Variants in DENND2A observed in about 807,000 individuals in gnomAD.
DENND2A encodes the protein DENN domain-containing protein 2A.
In DENND2A, 53 loss-of-function variants were observed where a neutral mutation model predicts 105.3. The observed-to-expected ratio is 0.50, with a 90% confidence interval of 0.40 to 0.63. The LOEUF is 0.63. Among genes scored for constraint, DENND2A ranks in the 30% least tolerant of loss-of-function variants. The pLI is 0.00. For missense variants in DENND2A, 1,138 were observed against 1,279.6 expected (o/e 0.89, Z 1.69); for synonymous variants, 522 against 508.4 (o/e 1.03, Z -0.36).
chr7:140,556,035 T>C (rs185610955), intron 11 of DENND2A, among the ~76,000 whole-genome samples: 2 of 152,300 alleles, frequency 1.3e-5, no homozygotes, highest in African/African-American at 4.8e-5. Context: ...TTGTTTTGTT[T>C]TGAGATGGAG....
chr7:140,524,194 A>G (rs1192219244), intron 16 of DENND2A, among the ~76,000 whole-genome samples: 3 of 152,160 alleles, frequency 2.0e-5, no homozygotes, highest in African/African-American at 7.2e-5. Context: ...ATGATAAAAA[A>G]CAGCATTAAT....
chr7:140,527,609 T>C lies in DENND2A; in HGVS notation c.2328-114A>G. On this transcript the variant is annotated intron_variant, in intron 14 of 19. Transcript: ENST00000496613. This position sits in a 1 kb window ranked among gnomAD's most constrained non-coding sequence, Gnocchi z 4.9. ...ATGACTAGGAAAGGACACACGTGGA[T>C]GTGGATCCGGTGGAGCACATGATGG... 1 of 1,145,802 alleles carries C rather than the reference T, an allele frequency of 8.7e-7. No individual in the cohort carries two copies. The highest frequency in any genetic ancestry group is 1.6e-5 in the South Asian group (1 of 63,366). The allele number at this position is 1,145,802 out of a possible 1,614,324, so 71.0% of individuals were successfully genotyped here.
chr7:140,563,649 C>T (rs1314304730), intron 9 of DENND2A, among the ~76,000 whole-genome samples: 1 of 122,522 alleles, frequency 8.2e-6, no homozygotes, highest in Non-Finnish European at 1.6e-5. Flanking sequence ...TGTAAAAATG[C>T]CTGTACAAGG....
At chr7:140,637,045 A>C (rs1800964629) in intron 1 of DENND2A, among the ~76,000 whole-genome samples, 1 of 151,930 alleles carries the variant, frequency 6.6e-6, no homozygotes, top group Admixed American at 6.6e-5. Flanking sequence ...TTTTTAGTAG[A>C]GACAGGGTTG....
intron 14 of DENND2A, among the ~76,000 whole-genome samples, chr7:140,535,944 G>A (rs1215398656): frequency 6.6e-6 from 1 of 152,160 alleles, no homozygotes; most frequent in Non-Finnish European, 1.5e-5. Context: ...GCCAGGAGCT[G>A]GAAACAGGAG....
chr7:140,601,670 C>T lies in DENND2A; in HGVS notation c.728G>A (p.Trp243Ter). ...EDRKGSCRRP[W>*]DRSLENVYRG... is the part of the protein sequence containing the mutation. ...ATACACGTTCTCAAGGCTCCGGTCC[C>T]AGGGCCTTCTGCATGAACCTTTCCT... is the stretch of plus-strand genomic sequence containing the variant. Residue 243 changes from tryptophan (W) to a stop codon, truncating the protein, a stop_gained, in exon 3 of 20, where the codon TGG (tryptophan) becomes TAG (stop). Transcript: ENST00000496613. LOFTEE classifies it high-confidence loss of function. 3 of 1,613,670 alleles carry T rather than the reference C, an allele frequency of 1.9e-6. No individual in the cohort carries two copies. Among genetic ancestry groups the T allele is most frequent in the Non-Finnish European group, 2.5e-6 (3 of 1,179,674 alleles).
Position 140,591,645 on chromosome 7 carries a change from CCCTT to C in DENND2A, c.996-3869_996-3866del, listed in dbSNP as rs151123012. 6.3e-3 allele frequency among the ~76,000 whole-genome samples: 927 copies of C among 148,302 alleles called. 12 individuals carry two copies. Among genetic ancestry groups the C allele is most frequent in the African/African-American group, 0.023 (891 of 38,980 alleles). Reference sequence around the variant, plus strand: ...TTCCTAGCAGTTCTTTATTTTCCCTCCCTTCCTTCCTTTCTTTCTTTCTTTCTCT... The same window carrying C: ...TTCCTAGCAGTTCTTTATTTTCCCTCCCTTCCTTTCTTTCTTTCTTTCTCT... On this transcript the variant is annotated intron_variant, in intron 3 of 19. Transcript: ENST00000496613.
chr7:140,574,221 T>C (rs11983453), intron 5 of DENND2A, among the ~76,000 whole-genome samples: 4,048 of 152,136 alleles, frequency 0.027, 183 homozygotes, highest in African/African-American at 0.092. Context: ...TAAATCTAAT[T>C]CAGTTTCTTT....
intron 1 of DENND2A, among the ~76,000 whole-genome samples, chr7:140,625,301 C>A (rs1188524530): frequency 6.6e-6 from 1 of 151,250 alleles, no homozygotes; most frequent in East Asian, 1.9e-4. Context: ...CACTTGAGCC[C>A]GGGACACAGA....
At position 140,527,957 on chromosome 7, in the gene DENND2A, C is replaced by G. The variant is rs1016392392; in HGVS notation, c.2328-462G>C. ...TCAGGTTCAAGCAATTCTCCCACCTCGGCCTCCTGAGTAGCTGGGACTGCA... is the reference window on the plus strand; with the variant it reads ...TCAGGTTCAAGCAATTCTCCCACCTGGGCCTCCTGAGTAGCTGGGACTGCA... On this transcript the variant is annotated intron_variant, in intron 14 of 19. Transcript: ENST00000496613. This position sits in a 1 kb window ranked among gnomAD's most constrained non-coding sequence, Gnocchi z 4.9. Among the ~76,000 whole-genome samples, 1 of 152,062 alleles carries G rather than the reference C, an allele frequency of 6.6e-6. No homozygotes were observed. The highest frequency in any genetic ancestry group is 1.9e-4 in the East Asian group (1 of 5,188).
intron 2 of DENND2A, among the ~76,000 whole-genome samples, chr7:140,603,771 A>G (rs1402381894): frequency 2.6e-5 from 4 of 152,228 alleles, no homozygotes; most frequent in African/African-American, 7.2e-5. Context: ...CTTAAATCCA[A>G]TGAAATTCAA....
intron 5 of DENND2A, among the ~76,000 whole-genome samples, chr7:140,576,092 G>C (rs1394774660): frequency 2.0e-5 from 3 of 151,416 alleles, no homozygotes; most frequent in Admixed American, 6.6e-5. Flanking sequence ...TGCGCCAACT[G>C]TATTTTTCTT....
chr7:140,609,641 A>G (rs1428326851), intron 1 of DENND2A, among the ~76,000 whole-genome samples: 1 of 152,228 alleles, frequency 6.6e-6, no homozygotes, highest in Non-Finnish European at 1.5e-5. Flanking sequence ...TGTAAGTTTC[A>G]GAAACTAAGT....
In DENND2A at chr7:140,602,433, G is replaced by C. The variant is rs1465301288; in HGVS notation, c.-36C>G. 2.0e-6 allele frequency: 3 copies of C among 1,513,630 alleles called. No homozygotes were observed. The highest frequency in any genetic ancestry group is 8.8e-7 in the Non-Finnish European group (1 of 1,136,886). The allele number at this position is 1,513,630 out of a possible 1,614,324, so 93.8% of individuals were successfully genotyped here. On this transcript the variant is annotated 5_prime_UTR_variant, in exon 3 of 20. Transcript: ENST00000496613. ...AGCGTGAGGTTGTGGAGGCCTTCCA[G>C]GGGACTCCTTCTGAAGCCTGACTCC...
At chr7:140,541,647 C>T (rs75834410) in intron 14 of DENND2A, among the ~76,000 whole-genome samples, 1 of 152,222 alleles carries the variant, frequency 6.6e-6, no homozygotes. Context: ...AGGGCTCCAA[C>T]CTTGAGAACT....
chr7:140,635,669 G>GA (rs1800899175), intron 1 of DENND2A, among the ~76,000 whole-genome samples: 1 of 152,112 alleles, frequency 6.6e-6, no homozygotes, highest in South Asian at 2.1e-4. Context: ...AAGGCCAGGG[G>GA]AAAAAACGAT....
At chr7:140,594,060 C>T (rs1159441267) in intron 3 of DENND2A, among the ~76,000 whole-genome samples, 2 of 152,064 alleles carry the variant, frequency 1.3e-5, no homozygotes, top group Non-Finnish European at 2.9e-5. Flanking sequence ...CACCCACCAT[C>T]CATGCCTGAC....
rs1799020429 is a variant in DENND2A, at chr7:140,591,629, GTTCT to G, written c.996-3853_996-3850del. On this transcript the variant is annotated intron_variant, in intron 3 of 19. Transcript: ENST00000496613. ...TTTAGAAAGTTAGCTCTTCCTAGCA[GTTCT>G]TTATTTTCCCTCCCTTCCTTCCTTT... Among the ~76,000 whole-genome samples, 3 of 151,864 alleles carry G rather than the reference GTTCT, an allele frequency of 2.0e-5. No individual in the cohort carries two copies. In the South Asian group the frequency reaches 6.2e-4, roughly 32 times the overall value.
intron 8 of DENND2A, 68 bp downstream of exon 8, chr7:140,568,692 AAGG>A: frequency 6.7e-7 from 1 of 1,499,684 alleles, no homozygotes; most frequent in Non-Finnish European, 9.3e-7. Flanking sequence ...CCCTCATACT[AAGG>A]AGGAGGGGCC....
Sources: allele counts gnomAD v4.1 joint callset (sites outside exome capture counted in the v4.1 genomes callset), GRCh38; gene constraint gnomAD v4.1.1; non-coding constraint Gnocchi (gnomAD v3.1); transcripts MANE v1.5; gene names NCBI Gene and HGNC (gene_info 2026-07-23, HGNC 2026-07-21).